UBE3A: variants seen among roughly 807,000 people sequenced by gnomAD.
UBE3A encodes the protein ubiquitin-protein ligase E3A.
A neutral mutation model predicts 83.4 loss-of-function variants in UBE3A; 6 were observed. The observed-to-expected ratio is 0.07, with a 90% CI of 0.04 to 0.14. The LOEUF (loss-of-function observed/expected upper bound fraction) is 0.14, where lower values mean the gene tolerates loss of function less well. Among genes scored for constraint, UBE3A ranks in the 10% least tolerant of loss-of-function variants. The pLI is 1.00. For missense variants in UBE3A, 456 were observed against 1,036.1 expected (o/e 0.44, Z 7.69); for synonymous variants, 337 against 355.4 (o/e 0.95, Z 0.58).
chr15:25,376,633 C>T (rs61336305), intron 4 of UBE3A, among the ~76,000 whole-genome samples: 3,814 of 152,168 alleles, frequency 0.025, 165 homozygotes, highest in African/African-American at 0.088. Context: ...CAGAGCTAGA[C>T]TTTGTCTCAA....
chr15:25,418,642 C>T (rs1888163531), intron 1 of UBE3A: 2 of 152,074 alleles, frequency 1.3e-5, no homozygotes, highest in African/African-American at 4.8e-5. Flanking sequence ...AGGTTCTATA[C>T]CCTGATAGAA....
chr15:25,391,413 C>T (rs557401868), intron 4 of UBE3A, among the ~76,000 whole-genome samples: 11 of 152,304 alleles, frequency 7.2e-5, no homozygotes, highest in African/African-American at 2.6e-4. Flanking sequence ...TTCTAGAGAT[C>T]TGCTGCACAA....
chr15:25,382,583 A>T (rs1294186049), intron 4 of UBE3A, among the ~76,000 whole-genome samples: 1 of 151,910 alleles, frequency 6.6e-6, no homozygotes, highest in Non-Finnish European at 1.5e-5. Context: ...AAAAATAAAA[A>T]AAATAAAAAT....
At position 25,431,225 on chromosome 15, in the gene UBE3A, T is replaced by C. The variant is rs77383502; in HGVS notation, c.-165+7264A>G. ...CTCTGTTCTTTAAACATGTTCAACA[T>C]GTTACAGAGATGGCAAAATGTGTTA... On this transcript the variant is annotated intron_variant, in intron 1 of 12. Coordinates refer to ENST00000648336, the MANE Select transcript of UBE3A (RefSeq NM_130839.5). Among the ~76,000 whole-genome samples, 600 of 152,356 alleles carry C rather than the reference T, an allele frequency of 3.9e-3. 3 individuals carry two copies. The highest frequency in any genetic ancestry group is 6.9e-3 in the Non-Finnish European group (471 of 68,036).
chr15:25,378,159 A>G (rs1299390990), intron 4 of UBE3A, among the ~76,000 whole-genome samples: 1 of 152,208 alleles, frequency 6.6e-6, no homozygotes, highest in Non-Finnish European at 1.5e-5. Context: ...AAAAAATTAC[A>G]AAAGTCAAAA....
At chr15:25,405,288 C>A (rs765283970) in intron 4 of UBE3A, among the ~76,000 whole-genome samples, 173 bp downstream of exon 4, 1 of 151,958 alleles carries the variant, frequency 6.6e-6, no homozygotes, top group African/African-American at 2.4e-5. Flanking sequence ...AAACTGTTAC[C>A]GAGGTTTAGA....
intron 11 of UBE3A, among the ~76,000 whole-genome samples, chr15:25,348,619 G>A (rs2076061168): frequency 6.6e-6 from 1 of 152,070 alleles, no homozygotes; most frequent in Admixed American, 6.6e-5. Context: ...AGTCAATTTA[G>A]AAAGGTTATA....
Position 25,334,155 on chromosome 15 carries a change from ATTTC to A in UBE3A, c.*4978_*4981del. 1 of 152,214 alleles carries A rather than the reference ATTTC, an allele frequency of 6.6e-6. No homozygotes were observed. The highest frequency in any genetic ancestry group is 2.1e-4 in the South Asian group (1 of 4,836). The allele number at this position is 152,214 out of a possible 1,614,324, so 9.4% of individuals were successfully genotyped here. On this transcript the variant is annotated 3_prime_UTR_variant, in exon 13 of 13. Coordinates refer to ENST00000648336, the MANE Select transcript of UBE3A (RefSeq NM_130839.5). ...AGACTGGAAAGGAAGAAGTAAAAGT[ATTTC>A]TGTTCACAGATGCATGATCTCATAT...
chr15:25,375,758 C>A lies in UBE3A; in HGVS notation c.68G>T (p.Arg23Leu). ...SDDIEASRMK[R>L]AAAKHLIERY... is the part of the protein sequence containing the mutation. The stretch of plus-strand genomic sequence containing the variant: ...TTCTATTAGATGCTTTGCAGCTGCT[C>A]GCTTCCTGTACCAAACATTCAAACA... Residue 23 changes from arginine (R) to leucine (L), a missense_variant, in exon 5 of 13, where the codon CGA becomes CTA. Physicochemically the swap from Arg to Leu is moderately radical, Grantham distance 102. Coordinates refer to ENST00000648336, the MANE Select transcript of UBE3A (RefSeq NM_130839.5). 1 of 1,609,686 alleles carries A rather than the reference C, an allele frequency of 6.2e-7. No homozygotes were observed. Among genetic ancestry groups the A allele is most frequent in the South Asian group, 1.1e-5 (1 of 91,058 alleles).
At chr15:25,357,668 G>A (rs1340913726) in intron 7 of UBE3A, 1 of 151,980 alleles carries the variant, frequency 6.6e-6, no homozygotes, top group Non-Finnish European at 1.5e-5. Flanking sequence ...TTTAATCACA[G>A]TAAAGAAAGG....
chr15:25,361,898 A>G (rs750642701), intron 6 of UBE3A, among the ~76,000 whole-genome samples: 2 of 152,252 alleles, frequency 1.3e-5, no homozygotes, highest in African/African-American at 2.4e-5. Flanking sequence ...AGTTAAAGTA[A>G]TAATACTCAT....
chr15:25,396,944 A>C (rs939425676), intron 4 of UBE3A, among the ~76,000 whole-genome samples: 2 of 152,222 alleles, frequency 1.3e-5, no homozygotes, highest in Non-Finnish European at 2.9e-5. Context: ...CAAACAACAA[A>C]ATCATGCTTC....
chr15:25,398,797 ATATATATATATATATAT>A (rs2086314444), intron 4 of UBE3A, among the ~76,000 whole-genome samples: 4 of 83,210 alleles, frequency 4.8e-5, no homozygotes, highest in African/African-American at 1.3e-4. Context: ...ATATATATAT[ATATATATATATATATAT>A]AAAAATACAT....
intron 1 of UBE3A, among the ~76,000 whole-genome samples, chr15:25,428,289 T>TA (rs552575483): frequency 1.7e-3 from 254 of 152,202 alleles, no homozygotes; most frequent in Middle Eastern, 3.4e-3. Flanking sequence ...ATATTTAAAA[T>TA]AAAAAATCCT....
chr15:25,357,305 A>G (rs2152704445), intron 7 of UBE3A: 1 of 173,318 alleles, frequency 5.8e-6, no homozygotes, highest in Non-Finnish European at 1.2e-5. Flanking sequence ...TTATAAAAAT[A>G]TAATTACTTA....
At chr15:25,347,581 T>C (rs2075879316) in intron 11 of UBE3A, among the ~76,000 whole-genome samples, 1 of 152,110 alleles carries the variant, frequency 6.6e-6, no homozygotes. Flanking sequence ...GTGCCTGTAG[T>C]CCCAGCTACC....
chr15:25,415,191 T>C (rs2090649252), intron 1 of UBE3A, among the ~76,000 whole-genome samples: 1 of 152,218 alleles, frequency 6.6e-6, no homozygotes, highest in Non-Finnish European at 1.5e-5. Flanking sequence ...CATTATTTCA[T>C]CTGGTTTCCC....
At chr15:25,364,632 G>GT (rs80152524) in intron 6 of UBE3A, among the ~76,000 whole-genome samples, 1,903 of 121,144 alleles carry the variant, frequency 0.016, 81 homozygotes, top group East Asian at 0.12. Context: ...GATTTTTAGG[G>GT]TTTTTTTTGT....
At chr15:25,405,994 C>A (rs1567099112) in intron 3 of UBE3A, among the ~76,000 whole-genome samples, 1 of 152,156 alleles carries the variant, frequency 6.6e-6, no homozygotes, top group Non-Finnish European at 1.5e-5. Flanking sequence ...TATTGGGATG[C>A]AGCCATACTC....
Sources: gnomAD v4.1 joint callset for allele counts (sites outside exome capture counted in the v4.1 genomes callset) on GRCh38, gnomAD v4.1.1 for gene constraint, MANE v1.5 for transcripts, NCBI Gene and HGNC (gene_info 2026-07-23, HGNC 2026-07-21) for gene names.